The following XPO5 variants were observed in gnomAD, a reference collection of about 807,000 sequenced individuals.
XPO5 encodes the protein exportin 5.
XPO5 carries 46 observed loss-of-function variants against 160.6 expected under a neutral mutation model. That is an observed-to-expected ratio of 0.29 (90% CI 0.23 to 0.37). The LOEUF is 0.37. XPO5 is among the 10% of genes least tolerant of loss of function. The pLI, the probability that XPO5 is intolerant of heterozygous loss-of-function variation, is 1.00. For missense variants in XPO5, 1,090 were observed against 1,463.9 expected, an observed-to-expected ratio of 0.74 and a Z score of 4.17; for synonymous variants, 537 against 519.3, an observed-to-expected ratio of 1.03 and a Z score of -0.46.
chr6:43,569,986 T>G (rs1167757762), intron 5 of XPO5, among the ~76,000 whole-genome samples: 1 of 138,238 alleles, frequency 7.2e-6, no homozygotes, highest in Non-Finnish European at 1.5e-5. Flanking sequence ...GAGGCTGCAG[T>G]AAGCCGAGAT....
At chr6:43,526,287 G>A (rs1793583846) in intron 27 of XPO5, 1 of 359,812 alleles carries the variant, frequency 2.8e-6, no homozygotes, top group Non-Finnish European at 5.2e-6. Flanking sequence ...TAACATGGGA[G>A]ATAGGTAAGA....
At chr6:43,541,630 C>T (rs1266456992) in intron 20 of XPO5, among the ~76,000 whole-genome samples, 1 of 137,286 alleles carries the variant, frequency 7.3e-6, no homozygotes, top group African/African-American at 3.5e-5. Context: ...AATGTACTTT[C>T]TGTCTCTAGA....
chr6:43,568,415 C>T lies in XPO5; in HGVS notation c.648+296G>A, dbSNP rs193092538. On this transcript the variant is annotated intron_variant, in intron 6 of 31. Coordinates refer to ENST00000265351, the MANE Select transcript of XPO5 (RefSeq NM_020750.3). ...TCACTTGAAGCCAGGGGTTTGACAC[C>T]GGCCTAGGCAACACACTGAGACCCT... Among the ~76,000 whole-genome samples the T allele has an allele frequency of 2.2e-3, 331 of 151,948 alleles. 2 individuals carry two copies. The highest frequency in any genetic ancestry group is 0.014 in the Middle Eastern group (4 of 294).
At chr6:43,531,043 C>A (rs932812073) in intron 22 of XPO5, among the ~76,000 whole-genome samples, 3 of 152,180 alleles carry the variant, frequency 2.0e-5, no homozygotes, top group Non-Finnish European at 2.9e-5. Flanking sequence ...TGTGGACTTA[C>A]AATGGACGAT....
At chr6:43,538,009 C>T (rs1180805645) in intron 20 of XPO5, among the ~76,000 whole-genome samples, 10 of 141,128 alleles carry the variant, frequency 7.1e-5, no homozygotes, top group Middle Eastern at 8.6e-3. Context: ...TGCTTGATCC[C>T]GGGAGGCGGA....
rs531382780 is a variant in XPO5, at chr6:43,569,712, GAC to G, written c.621+788_621+789del. Among the ~76,000 whole-genome samples, 239 of 148,196 alleles carry G rather than the reference GAC, an allele frequency of 1.6e-3. 1 individual carries two copies. The highest frequency in any genetic ancestry group is 5.6e-3 in the African/African-American group (225 of 40,074). Reference sequence around the variant, plus strand: ...TGTGCCACTGCACTCCAGCATGGGTGACAGAGTGAGACTCCCTCTCCAAAAAA... The same window carrying G: ...TGTGCCACTGCACTCCAGCATGGGTGAGAGTGAGACTCCCTCTCCAAAAAA... On this transcript the variant is annotated intron_variant, in intron 5 of 31. Transcript: ENST00000265351.
At position 43,546,649 on chromosome 6, in the gene XPO5, G is replaced by C; in HGVS notation, c.2264C>G (p.Ser755Cys). The C allele has an allele frequency of 6.2e-7, 1 of 1,613,854 alleles. No homozygotes were observed. Among genetic ancestry groups the C allele is most frequent in the South Asian group, 1.1e-5 (1 of 91,044 alleles). ...GTTACGGAAGATTGGATTTCCACTG[G>C]ATGTATAACCCACCACAAATCCCCC... The part of the protein sequence containing the change: ...KAGGFVVGYT[S>C]SGNPIFRNPC... Residue 755 changes from serine to cysteine, a missense_variant, in exon 20 of 32, where the codon TCC becomes TGC. Coordinates refer to ENST00000265351, the MANE Select transcript of XPO5 (RefSeq NM_020750.3).
At chr6:43,564,108 G>T (rs1486830714) in intron 8 of XPO5, among the ~76,000 whole-genome samples, 1 of 152,150 alleles carries the variant, frequency 6.6e-6, no homozygotes, top group South Asian at 2.1e-4. Flanking sequence ...TTTTAGTAGA[G>T]ATGGGGTTTC....
At chr6:43,528,547 G>C (rs1793743167) in intron 24 of XPO5, among the ~76,000 whole-genome samples, 1 of 152,158 alleles carries the variant, frequency 6.6e-6, no homozygotes, top group South Asian at 2.1e-4. Context: ...TTCCTGGCAA[G>C]GGTCTGTGAG....
At chr6:43,561,455 T>C (rs1406910800) in intron 9 of XPO5, 2 of 156,306 alleles carry the variant, frequency 1.3e-5, no homozygotes, top group East Asian at 1.9e-4. Flanking sequence ...CTCGGCTCAC[T>C]GCAACCTCTA....
intron 12 of XPO5, among the ~76,000 whole-genome samples, chr6:43,556,904 A>G (rs1355219006): frequency 6.6e-6 from 1 of 151,202 alleles, no homozygotes; most frequent in Non-Finnish European, 1.5e-5. Context: ...AAGGCAGGTG[A>G]ATCAGCTGAG....
intron 30 of XPO5, 51 bp downstream of exon 30, chr6:43,524,780 G>C (rs370617750): frequency 2.1e-4 from 334 of 1,608,054 alleles, no homozygotes; most frequent in Non-Finnish European, 2.4e-4. Context: ...ACTAGGAGCA[G>C]ACTGAGTGAT....
chr6:43,572,638 G>A (rs975259236), intron 2 of XPO5, 60 bp from the exon 3 acceptor site: 95 of 1,468,730 alleles, frequency 6.5e-5, no homozygotes, highest in Non-Finnish European at 6.7e-6. Flanking sequence ...CTTTACAAGA[G>A]AATAGCATGG....
At chr6:43,541,115 G>C (rs762570088) in intron 20 of XPO5, among the ~76,000 whole-genome samples, 6 of 152,082 alleles carry the variant, frequency 3.9e-5, no homozygotes, top group Non-Finnish European at 7.4e-5. Context: ...GAGGGTAGTG[G>C]TGGGTTAGGG....
In XPO5 at chr6:43,528,349, A is replaced by C. The variant is rs901758622; in HGVS notation, c.2776-144T>G. 140 of 752,856 alleles carry C rather than the reference A, an allele frequency of 1.9e-4. 1 individual carries two copies. The African/African-American group carries it at 1.9e-3, about 10-fold the overall frequency. The allele number at this position is 752,856 out of a possible 1,614,324, so 46.6% of individuals were successfully genotyped here. On this transcript the variant is annotated intron_variant, in intron 24 of 31. Coordinates refer to ENST00000265351, the MANE Select transcript of XPO5 (RefSeq NM_020750.3). Reference sequence around the variant, plus strand: ...ACAACTTCTGTAGACTCCACACCACAAGGTTAAAAAAAACATCTATGGTTT... The same window carrying C: ...ACAACTTCTGTAGACTCCACACCACCAGGTTAAAAAAAACATCTATGGTTT...
chr6:43,527,612 C>A (rs1463979540), intron 26 of XPO5, 22 bp downstream of exon 26: 4 of 1,612,690 alleles, frequency 2.5e-6, no homozygotes, highest in Non-Finnish European at 3.4e-6. Context: ...CTCTATAGCC[C>A]CAGTTTCGAC....
chr6:43,533,794 C>T, intron 21 of XPO5, 113 bp downstream of exon 21: 1 of 663,986 alleles, frequency 1.5e-6, no homozygotes, highest in Non-Finnish European at 2.4e-6. Flanking sequence ...ATGGTTGCAC[C>T]AGTGCACTCT....
chr6:43,563,983 C>A (rs1762554855), intron 8 of XPO5, among the ~76,000 whole-genome samples: 1 of 152,116 alleles, frequency 6.6e-6, no homozygotes, highest in Non-Finnish European at 1.5e-5. Context: ...AGTGCAGGGG[C>A]ACAATCCTGG....
intron 28 of XPO5, 95 bp downstream of exon 28, chr6:43,525,744 C>CA (rs1793543825): frequency 3.0e-6 from 4 of 1,337,378 alleles, no homozygotes; most frequent in Admixed American, 2.7e-5. Flanking sequence ...AGGAGTATTA[C>CA]AAAAAACTCT....
Sources: gnomAD v4.1 joint callset for allele counts (sites outside exome capture counted in the v4.1 genomes callset) on GRCh38, gnomAD v4.1.1 for gene constraint, MANE v1.5 for transcripts, NCBI Gene and HGNC (gene_info 2026-07-23, HGNC 2026-07-21) for gene names.